The following ESS2 variants were observed in gnomAD, a reference collection of about 807,000 sequenced individuals.
ESS2 encodes the protein splicing factor ESS-2 homolog.
Under a neutral mutation model 52.0 loss-of-function variants are expected in ESS2, and 31 were observed. That is an observed-to-expected ratio of 0.60 (90% CI 0.45 to 0.81). The LOEUF is 0.81. ESS2 is among the 30% of genes least tolerant of loss of function. The pLI is 0.00. For synonymous variants in ESS2, 285 were observed against 259.2 expected, an observed-to-expected ratio of 1.10 and a Z score of -0.95; for missense variants, 602 against 637.2, an observed-to-expected ratio of 0.94 and a Z score of 0.59.
At chr22:19,143,013 T>A in intron 1 of ESS2, 119 bp from the exon 2 acceptor site, 1 of 970,212 alleles carries the variant, frequency 1.0e-6, no homozygotes, top group Non-Finnish European at 1.5e-6. Context: ...AAGACCAGCC[T>A]GGCCAACATG....
At position 19,131,529 on chromosome 22, in the gene ESS2, G is replaced by C. The variant is rs755276601; in HGVS notation, c.*2667C>G. The C allele has an allele frequency of 6.2e-7, 1 of 1,614,108 alleles. No homozygotes were observed. The highest frequency in any genetic ancestry group is 1.1e-5 in the South Asian group (1 of 91,068). On this transcript the variant is annotated 3_prime_UTR_variant, in exon 10 of 10. Coordinates refer to ENST00000252137, the MANE Select transcript of ESS2 (RefSeq NM_022719.3). This position sits in a 1 kb window ranked among gnomAD's most constrained non-coding sequence, Gnocchi z 5.7. ...GTTCAATGTGGCTGTCAAGATCATC[G>C]ACCGCAAGAAAACACCTACTGACTT...
At chr22:19,138,165 C>A in intron 7 of ESS2, 50 bp downstream of exon 7, 1 of 1,610,154 alleles carries the variant, frequency 6.2e-7, no homozygotes, top group Non-Finnish European at 8.5e-7. Context: ...GCCCACCTCC[C>A]CCAGGGAGTC....
Position 19,132,250 on chromosome 22 carries a change from C to T in ESS2, c.*1946G>A, listed in dbSNP as rs1457843563. The T allele has an allele frequency of 2.5e-6, 4 of 1,612,186 alleles. No individual in the cohort carries two copies. The East Asian group carries it at 8.9e-5, about 36-fold the overall frequency. On this transcript the variant is annotated 3_prime_UTR_variant, in exon 10 of 10. Coordinates refer to ENST00000252137, the MANE Select transcript of ESS2 (RefSeq NM_022719.3). This position sits in a 1 kb window ranked among gnomAD's most constrained non-coding sequence, Gnocchi z 4.2. ...AAGCCCAAAGCCACGTCTTCTGCCT[C>T]CTTCAAGAGGGAGGGGGAGGGCAAG...
In ESS2 at chr22:19,131,548, C is replaced by CT; in HGVS notation, c.*2647dup. 1 of 1,614,212 alleles carries CT rather than the reference C, an allele frequency of 6.2e-7. No individual in the cohort carries two copies. The highest frequency in any genetic ancestry group is 8.5e-7 in the Non-Finnish European group (1 of 1,180,036). On this transcript the variant is annotated 3_prime_UTR_variant, in exon 10 of 10. Transcript: ENST00000252137. This position sits in a 1 kb window ranked among gnomAD's most constrained non-coding sequence, Gnocchi z 5.7. Reference sequence around the variant, plus strand: ...ATCATCGACCGCAAGAAAACACCTACTGACTTTGTGGAGAGATTCCTTCCT... The same window carrying CT: ...ATCATCGACCGCAAGAAAACACCTACTTGACTTTGTGGAGAGATTCCTTCCT...
chr22:19,138,288 G>A lies in ESS2; in HGVS notation c.852C>T (p.Gly284=), dbSNP rs771308685. The A allele has an allele frequency of 3.7e-6, 6 of 1,613,886 alleles. No individual in the cohort carries two copies. In the Admixed American group the frequency reaches 1.0e-4, roughly 27 times the overall value. Residue 284 remains glycine, a synonymous_variant, in exon 7 of 10, where the codon GGC becomes GGT. Transcript: ENST00000252137. The part of the protein sequence containing the change: ...QHKQGKVGPD[G]KELIPQESPR... ...GGGACTCCTGGGGGATCAGCTCCTT[G>A]CCATCGGGGCCCACCTTGCCCTGTT...
Position 19,133,372 on chromosome 22 carries a change from C to T in ESS2, c.*824G>A, listed in dbSNP as rs2083528775. 6.6e-6 allele frequency: 1 copy of T among 152,522 alleles called. No individual in the cohort carries two copies. Among genetic ancestry groups the T allele is most frequent in the Non-Finnish European group, 1.5e-5 (1 of 68,242 alleles). The allele number at this position is 152,522 out of a possible 1,614,324, so 9.4% of individuals were successfully genotyped here. A position where few individuals can be genotyped will look rare whatever the true frequency, so the allele number is the denominator to read the frequency against. On this transcript the variant is annotated 3_prime_UTR_variant, in exon 10 of 10. Transcript: ENST00000252137. ...AAAGCACTGAAGGCCCCACGTCCCC[C>T]ACCCCTTAAGAGTCCCAGCCTGATC... is the stretch of plus-strand genomic sequence containing the variant.
intron 3 of ESS2, 74 bp downstream of exon 3, chr22:19,142,464 C>A: frequency 7.2e-7 from 1 of 1,379,750 alleles, no homozygotes; most frequent in Non-Finnish European, 9.9e-7. Context: ...TCTGGACCAC[C>A]CCCTCAGGGC....
At chr22:19,140,877 T>C (rs1413145806) in intron 3 of ESS2, among the ~76,000 whole-genome samples, 1 of 152,238 alleles carries the variant, frequency 6.6e-6, no homozygotes, top group East Asian at 1.9e-4. Flanking sequence ...CAGAAGTGAC[T>C]GCCTTTCTGA....
chr22:19,131,093 G>T lies in ESS2; in HGVS notation c.*3103C>A. On this transcript the variant is annotated 3_prime_UTR_variant, in exon 10 of 10. Transcript: ENST00000252137. The surrounding 1 kb of genome is among the most constrained non-coding windows in gnomAD (Gnocchi z 5.7). Reference sequence around the variant, plus strand: ...CAATGCAGCAGCAGCAGGGCCACCAGAGTCCTGTCCTGGGGACAGGCTTCC... The same window carrying T: ...CAATGCAGCAGCAGCAGGGCCACCATAGTCCTGTCCTGGGGACAGGCTTCC... 1 of 332,720 alleles carries T rather than the reference G, an allele frequency of 3.0e-6. No homozygotes were observed. Among genetic ancestry groups the T allele is most frequent in the South Asian group, 5.3e-5 (1 of 18,962 alleles). The allele number at this position is 332,720 out of a possible 1,614,324, so 20.6% of individuals were successfully genotyped here.
At chr22:19,140,946 G>C (rs993080821) in intron 3 of ESS2, among the ~76,000 whole-genome samples, 24 of 152,132 alleles carry the variant, frequency 1.6e-4, no homozygotes, top group African/African-American at 5.8e-4. Flanking sequence ...GTTCTGAAAA[G>C]GATTCCTATA....
chr22:19,142,977 G>A, intron 1 of ESS2, 83 bp from the exon 2 acceptor site: 1 of 1,373,270 alleles, frequency 7.3e-7, no homozygotes, highest in South Asian at 1.3e-5. Context: ...GAGGCCAAGG[G>A]AGGTGGATCA....
intron 1 of ESS2, among the ~76,000 whole-genome samples, chr22:19,143,584 G>A (rs915679816): frequency 6.6e-6 from 1 of 152,188 alleles, no homozygotes; most frequent in Non-Finnish European, 1.5e-5. Context: ...GGCGGGGCAT[G>A]GTAGCTCACG....
chr22:19,135,520 T>C (rs2083566797), intron 8 of ESS2, among the ~76,000 whole-genome samples: 1 of 152,252 alleles, frequency 6.6e-6, no homozygotes, highest in Admixed American at 6.5e-5. Context: ...GCCTGTGGCC[T>C]ATTTTGCTCT....
At position 19,135,065 on chromosome 22, in the gene ESS2, C is replaced by T; in HGVS notation, c.1146G>A (p.Leu382=). Residue 382 remains leucine, a synonymous_variant, in exon 9 of 10, where the codon CTG becomes CTA. Coordinates refer to ENST00000252137, the MANE Select transcript of ESS2 (RefSeq NM_022719.3). ...CCAGCCAGGCGGCCCCTCACCTGGC[C>T]AGATTCTCCGTCACTCTCCGCAAGG... is the stretch of plus-strand genomic sequence containing the variant. ...QEALRRVTEN[L]ASLTPKGLSP... The T allele has an allele frequency of 6.2e-7, 1 of 1,613,340 alleles. No individual in the cohort carries two copies.
intron 6 of ESS2, 74 bp downstream of exon 6, chr22:19,139,085 G>A (rs980271461): frequency 1.8e-5 from 28 of 1,515,954 alleles, no homozygotes; most frequent in Non-Finnish European, 2.4e-5. Context: ...TCAAAGAGAT[G>A]GGAGAGATCA....
At chr22:19,140,081 G>A in intron 3 of ESS2, 57 bp from the exon 4 acceptor site, 1 of 1,587,510 alleles carries the variant, frequency 6.3e-7, no homozygotes, top group Non-Finnish European at 8.6e-7. Flanking sequence ...GGAAAGAGGA[G>A]GACACCCAGG....
Position 19,142,758 on chromosome 22 carries a change from A to C in ESS2, c.272T>G (p.Leu91Trp). Reference protein sequence around the residue: ...RQIAIKFGSALGKMSREPPPP... With the variant: ...RQIAIKFGSAWGKMSREPPPP... ...CGGGGGCTCCCGGGACATCTTGCCC[A>C]AGGCAGAGCCAAACTTGATGGCAAT... Residue 91 changes from leucine to tryptophan, a missense_variant, in exon 2 of 10, where the codon TTG becomes TGG. Transcript: ENST00000252137. 1 of 1,614,142 alleles carries C rather than the reference A, an allele frequency of 6.2e-7. No homozygotes were observed.
At chr22:19,135,432 G>A (rs116153142) in intron 8 of ESS2, among the ~76,000 whole-genome samples, 5,069 of 152,280 alleles carry the variant, frequency 0.033, 177 homozygotes, top group East Asian at 0.062. Context: ...AAAGCAGTCT[G>A]TTTTAGTGTT....
Position 19,144,637 on chromosome 22 carries a change from C to T in ESS2, c.4G>A (p.Glu2Lys). M[E>K]TPGASASSLL... The stretch of plus-strand genomic sequence containing the variant: ...GACGACGCTGATGCGCCCGGCGTCT[C>T]CATCGCTATCCCAGGAAAAAGCTCG... Residue 2 changes from glutamate (E) to lysine (K), a missense_variant, in exon 1 of 10, where the codon GAG becomes AAG. Glu to Lys is a moderately conservative substitution (Grantham distance 56, BLOSUM62 1). Coordinates refer to ENST00000252137, the MANE Select transcript of ESS2 (RefSeq NM_022719.3). 6.6e-7 allele frequency: 1 copy of T among 1,514,178 alleles called. No individual in the cohort carries two copies. Among genetic ancestry groups the T allele is most frequent in the Non-Finnish European group, 8.9e-7 (1 of 1,125,540 alleles). The allele number at this position is 1,514,178 out of a possible 1,614,324, so 93.8% of individuals were successfully genotyped here.
Sources: allele counts gnomAD v4.1 joint callset (sites outside exome capture counted in the v4.1 genomes callset), GRCh38; gene constraint gnomAD v4.1.1; non-coding constraint Gnocchi (gnomAD v3.1); transcripts MANE v1.5; gene names NCBI Gene and HGNC (gene_info 2026-07-23, HGNC 2026-07-21).